The following ENO4 variants were observed in gnomAD, a reference collection of about 807,000 sequenced individuals.
The protein encoded by ENO4 is enolase 4.
In ENO4, 53 loss-of-function variants were observed where a neutral mutation model predicts 63.2. That is an observed-to-expected ratio of 0.84 (90% confidence interval 0.67 to 1.05). The LOEUF is 1.05. Ranked by LOEUF, ENO4 falls within the 50% of genes least tolerant of loss-of-function variation. The pLI is 0.00. For missense variants in ENO4, 719 were observed against 772.0 expected (o/e 0.93, Z 0.81); for synonymous variants, 266 against 283.8 (o/e 0.94, Z 0.63).
At chr10:116,894,891 C>G (rs1847461859) in intron 10 of ENO4, among the ~76,000 whole-genome samples, 1 of 152,178 alleles carries the variant, frequency 6.6e-6, no homozygotes, top group Non-Finnish European at 1.5e-5. Context: ...TAAGCCTCTG[C>G]CTGACTGTGA....
intron 7 of ENO4, among the ~76,000 whole-genome samples, chr10:116,868,390 C>T (rs934044916): frequency 6.6e-6 from 1 of 152,104 alleles, no homozygotes; most frequent in Middle Eastern, 3.2e-3. Flanking sequence ...GTACACACAC[C>T]CCATATATGT....
chr10:116,854,454 G>T (rs531163950), intron 1 of ENO4, among the ~76,000 whole-genome samples: 1 of 152,060 alleles, frequency 6.6e-6, no homozygotes, highest in East Asian at 1.9e-4. Flanking sequence ...CAGCTACTCG[G>T]AAGGCTGAGG....
chr10:116,905,179 A>G (rs967709223), intron 10 of ENO4, among the ~76,000 whole-genome samples: 9 of 149,080 alleles, frequency 6.0e-5, no homozygotes, highest in African/African-American at 2.0e-4. Context: ...TCCGCAGTCC[A>G]GCCTGGGCGA....
chr10:116,874,806 G>A lies in ENO4; in HGVS notation c.1341+605G>A, dbSNP rs948706865. ...TCCTGCCTCAGCCTCCCAAGTAGCTGTGACTATAGGCGTGCACCACCACAC... is the reference window on the plus strand; with the variant it reads ...TCCTGCCTCAGCCTCCCAAGTAGCTATGACTATAGGCGTGCACCACCACAC... On this transcript the variant is annotated intron_variant, in intron 10 of 13. Transcript: ENST00000341276. Among the ~76,000 whole-genome samples the A allele has an allele frequency of 2.6e-5, 4 of 152,246 alleles. No individual in the cohort carries two copies. In the South Asian group the frequency reaches 6.2e-4, roughly 24 times the overall value.
chr10:116,902,998 CG>C (rs978616756), intron 10 of ENO4, among the ~76,000 whole-genome samples: 1 of 152,092 alleles, frequency 6.6e-6, no homozygotes, highest in Non-Finnish European at 1.5e-5. Flanking sequence ...AGTATAATAG[CG>C]TAACATATCA....
downstream of ENO4, chr10:116,883,283 A>G (rs1354713224): frequency 6.6e-6 from 1 of 152,126 alleles, no homozygotes; most frequent in Non-Finnish European, 1.5e-5. Context: ...ATAACATTTA[A>G]TATGAAATAT....
chr10:116,895,782 T>C (rs890979135), intron 10 of ENO4, among the ~76,000 whole-genome samples: 2 of 152,250 alleles, frequency 1.3e-5, no homozygotes, highest in African/African-American at 4.8e-5. Flanking sequence ...AAGTGCAATT[T>C]GATCTAAATG....
intron 10 of ENO4, 150 bp downstream of exon 10, chr10:116,874,351 G>A (rs1187553469): frequency 4.6e-6 from 4 of 871,270 alleles, no homozygotes; most frequent in Non-Finnish European, 6.5e-6. Flanking sequence ...CATTCAAAAT[G>A]TGTTGTAATT....
chr10:116,891,767 C>T (rs1847349762), intron 10 of ENO4, among the ~76,000 whole-genome samples: 1 of 152,052 alleles, frequency 6.6e-6, no homozygotes, highest in South Asian at 2.1e-4. Flanking sequence ...TTGTCCAAAA[C>T]TTCACAAAAT....
intron 3 of ENO4, among the ~76,000 whole-genome samples, chr10:116,857,889 G>A (rs950334567): frequency 2.6e-5 from 4 of 152,058 alleles, no homozygotes; most frequent in African/African-American, 4.8e-5. Flanking sequence ...CACCTGCCTC[G>A]GCCTCCCAAA....
chr10:116,859,242 T>C, intron 4 of ENO4, 104 bp downstream of exon 4: 1 of 1,332,718 alleles, frequency 7.5e-7, no homozygotes, highest in Non-Finnish European at 9.8e-7. Context: ...CAGGCCTACT[T>C]TGGGCTCACG....
intron 13 of ENO4, 77 bp from the exon 14 acceptor site, chr10:116,881,438 A>G: frequency 8.6e-7 from 1 of 1,156,784 alleles, no homozygotes; most frequent in Non-Finnish European, 1.2e-6. Context: ...ACTGAAGATG[A>G]TCTCCTTCAA....
intron 9 of ENO4, among the ~76,000 whole-genome samples, chr10:116,872,351 C>T (rs1228826052): frequency 2.0e-5 from 3 of 152,142 alleles, no homozygotes; most frequent in Admixed American, 6.5e-5. Context: ...TGTCCCCACC[C>T]AATTCGCATC....
intron 9 of ENO4, chr10:116,873,788 T>G: frequency 4.9e-6 from 4 of 811,928 alleles, no homozygotes; most frequent in Non-Finnish European, 6.0e-6. Flanking sequence ...TCTAACAGAT[T>G]ATTCCCCTCC....
chr10:116,868,898 C>T (rs536998451), intron 8 of ENO4, among the ~76,000 whole-genome samples, 192 bp downstream of exon 8: 1 of 152,234 alleles, frequency 6.6e-6, no homozygotes, highest in African/African-American at 2.4e-5. Context: ...AACAGGCTGC[C>T]CGACCATCGC....
In ENO4 at chr10:116,868,704, C is replaced by G. The variant is rs1368019022; in HGVS notation, c.1045C>G (p.Gln349Glu). 6.5e-7 allele frequency: 1 copy of G among 1,549,780 alleles called. No individual in the cohort carries two copies. The highest frequency in any genetic ancestry group is 2.4e-5 in the East Asian group (1 of 40,908). Residue 349 changes from glutamine (Q) to glutamate (E), a missense_variant and splice_region_variant, in exon 8 of 14, where the codon CAA (glutamine) becomes GAA (glutamate). Around this residue, in one of 3 missense-constraint regions of ENO4, gnomAD observed 544 missense variants for 583.6 expected, o/e 0.93. Transcript: ENST00000341276. ...KKGHDGSKRGQQQITGKMSHL... is the reference protein window; with the variant it reads ...KKGHDGSKRGEQQITGKMSHL... The stretch of plus-strand genomic sequence containing the variant: ...AGGGCACGATGGAAGCAAAAGAGGT[C>G]AAGTAAGTCTATATATTGTTTACCA...
Position 116,849,715 on chromosome 10 carries a change from A to G in ENO4, c.149A>G (p.Asp50Gly), listed in dbSNP as rs1205371814. The change falls in exon 1 of 14, where the codon GAC becomes GGC. Residue 50 changes from aspartate (D) to glycine (G), a missense_variant. Around this residue, in one of 3 missense-constraint regions of ENO4, gnomAD observed 544 missense variants for 583.6 expected, o/e 0.93. Transcript: ENST00000341276. Reference sequence around the variant, plus strand: ...TCCACCTTCTACCTCCAGCCTGCCGACGTCTACGGGCACCTGGTAGGGACC... The same window carrying G: ...TCCACCTTCTACCTCCAGCCTGCCGGCGTCTACGGGCACCTGGTAGGGACC... ...LNSTFYLQPA[D>G]VYGHLANCFS... 6.5e-7 allele frequency: 1 copy of G among 1,530,826 alleles called. No individual in the cohort carries two copies. The highest frequency in any genetic ancestry group is 2.5e-5 in the East Asian group (1 of 40,374). The allele number at this position is 1,530,826 out of a possible 1,614,324, so 94.8% of individuals were successfully genotyped here.
At chr10:116,857,026 G>A (rs7087685) in intron 3 of ENO4, among the ~76,000 whole-genome samples, 47,638 of 151,050 alleles carry the variant, frequency 0.32, 7,974 homozygotes, top group African/African-American at 0.42. Flanking sequence ...ACAAATATAC[G>A]TCCATTATCT....
At position 116,861,233 on chromosome 10, in the gene ENO4, A is replaced by AT. The variant is rs1325788232; in HGVS notation, c.936+43_936+44insT. The AT allele has an allele frequency of 9.8e-3, 4,786 of 489,178 alleles. 56 individuals carry two copies. The highest frequency in any genetic ancestry group is 0.012 in the Middle Eastern group (16 of 1,310). 30.3% of individuals were successfully genotyped at this position (489,178 alleles called of 1,614,324 possible). On this transcript the variant is annotated intron_variant, in intron 6 of 13. Coordinates refer to ENST00000341276, the MANE Select transcript of ENO4 (RefSeq NM_001242699.2). ...AAATTACCTTTTCTAAAAAAAAAAA[A>AT]AAAATATATATATATATATATATAC...
Sources: allele counts gnomAD v4.1 joint callset (sites outside exome capture counted in the v4.1 genomes callset), GRCh38; gene constraint gnomAD v4.1.1; regional missense constraint gnomAD v4.1.1; transcripts MANE v1.5; gene names NCBI Gene and HGNC (gene_info 2026-07-23, HGNC 2026-07-21).